NCOA7: variants seen among roughly 807,000 people sequenced by gnomAD.
NCOA7 encodes the protein 140 kDa estrogen receptor-associated protein.
A neutral mutation model predicts 104.3 loss-of-function variants in NCOA7; 45 were observed. The observed-to-expected ratio is 0.43, with a 90% CI of 0.34 to 0.55. The LOEUF (loss-of-function observed/expected upper bound fraction) is 0.55, where lower values mean the gene tolerates loss of function less well. Among genes scored for constraint, NCOA7 ranks in the 20% least tolerant of loss-of-function variants. NCOA7 has a pLI of 0.02. For synonymous variants in NCOA7, 398 were observed against 402.3 expected (o/e 0.99, Z 0.13); for missense variants, 1,041 against 1,119.7 (o/e 0.93, Z 1.00).
At chr6:125,810,313 A>C (rs1454063166) in intron 1 of NCOA7, 1 of 152,182 alleles carries the variant, frequency 6.6e-6, no homozygotes, top group East Asian at 1.9e-4. Flanking sequence ...CTGATGATTC[A>C]AAAAATACTT....
At chr6:125,861,561 A>G (rs957962366) in intron 3 of NCOA7, among the ~76,000 whole-genome samples, 1 of 152,138 alleles carries the variant, frequency 6.6e-6, no homozygotes, top group Non-Finnish European at 1.5e-5. Context: ...TATTTTTTTA[A>G]TCAAGCAGAA....
chr6:125,900,737 G>C (rs142093956), intron 10 of NCOA7, among the ~76,000 whole-genome samples: 37 of 152,172 alleles, frequency 2.4e-4, no homozygotes, highest in African/African-American at 8.9e-4. Context: ...TTGTACATTA[G>C]ATTCAAAGAA....
At chr6:125,878,392 A>G (rs549682440) in intron 5 of NCOA7, 22 bp downstream of exon 5, 8 of 1,523,930 alleles carry the variant, frequency 5.2e-6, no homozygotes, top group Admixed American at 1.8e-5. Flanking sequence ...CTTACTGGAT[A>G]TAACTCTAGA....
At chr6:125,895,440 T>C (rs1363204245) in intron 10 of NCOA7, among the ~76,000 whole-genome samples, 1 of 152,190 alleles carries the variant, frequency 6.6e-6, no homozygotes, top group Non-Finnish European at 1.5e-5. Context: ...CACTTGAACA[T>C]ACAGATAAGC....
At chr6:125,823,182 A>T (rs1174074895) in intron 2 of NCOA7, among the ~76,000 whole-genome samples, 2 of 152,134 alleles carry the variant, frequency 1.3e-5, no homozygotes, top group Non-Finnish European at 2.9e-5. Context: ...TCCCCCCGCA[A>T]ATGGACATCT....
At position 125,928,938 on chromosome 6, in the gene NCOA7, TC is replaced by T; in HGVS notation, c.*169del. 1 of 711,122 alleles carries T rather than the reference TC, an allele frequency of 1.4e-6. No homozygotes were observed. Among genetic ancestry groups the T allele is most frequent in the Non-Finnish European group, 2.2e-6 (1 of 462,394 alleles). 44.1% of individuals were successfully genotyped at this position (711,122 alleles called of 1,614,324 possible). On this transcript the variant is annotated 3_prime_UTR_variant, in exon 16 of 16. Coordinates refer to ENST00000392477, the MANE Select transcript of NCOA7 (RefSeq NM_181782.5). ...CACATTGCAGAAAGATTCTGGAAGG[TC>T]CATGTAGAGGGCAGACATTGAAGAA...
chr6:125,915,797 T>C (rs556131059), intron 11 of NCOA7, among the ~76,000 whole-genome samples: 1 of 152,274 alleles, frequency 6.6e-6, no homozygotes, highest in Non-Finnish European at 1.5e-5. Context: ...TTTGGCTTTG[T>C]AGGCCATACA....
chr6:125,889,579 A>T lies in NCOA7; in HGVS notation c.1525A>T (p.Asn509Tyr). The T allele has an allele frequency of 6.2e-7, 1 of 1,613,976 alleles. No homozygotes were observed. Among genetic ancestry groups the T allele is most frequent in the Non-Finnish European group, 8.5e-7 (1 of 1,179,984 alleles). Residue 509 changes from asparagine (N) to tyrosine (Y), a missense_variant, in exon 9 of 16, where the codon AAC becomes TAC. Asn to Tyr is a moderately radical substitution (Grantham distance 143, BLOSUM62 -2). Transcript: ENST00000392477. ...TGGTTCGCCAGAAAGCCGAGTAGAA[A>T]ACACACTGAACATACATGAAGATTT... The part of the protein sequence containing the change: ...QSGSPESRVE[N>Y]TLNIHEDLDK...
Position 125,929,000 on chromosome 6 carries a change from T to C in NCOA7, c.*229T>C. The C allele has an allele frequency of 2.4e-6, 1 of 425,010 alleles. No homozygotes were observed. Among genetic ancestry groups the C allele is most frequent in the Non-Finnish European group, 4.1e-6 (1 of 242,688 alleles). 26.3% of individuals were successfully genotyped at this position (425,010 alleles called of 1,614,324 possible). ...AATCCAGGTTGTTGAAAAGACTTTG[T>C]ACTCCCACTTCCTCCAAATCCATAC... On this transcript the variant is annotated 3_prime_UTR_variant, in exon 16 of 16. Transcript: ENST00000392477.
chr6:125,830,731 A>ATGTGTGTGTG (rs1361060849), intron 2 of NCOA7, among the ~76,000 whole-genome samples: 4 of 116,762 alleles, frequency 3.4e-5, no homozygotes, highest in East Asian at 5.9e-4. Context: ...TTATATATAT[A>ATGTGTGTGTG]TATATATGTG....
At chr6:125,896,406 G>A (rs1785021539) in intron 10 of NCOA7, among the ~76,000 whole-genome samples, 1 of 152,134 alleles carries the variant, frequency 6.6e-6, no homozygotes, top group African/African-American at 2.4e-5. Context: ...TATTTTAAAG[G>A]TGAGTGAGCA....
chr6:125,892,215 A>G (rs1784672173), intron 10 of NCOA7, among the ~76,000 whole-genome samples: 1 of 152,210 alleles, frequency 6.6e-6, no homozygotes, highest in Non-Finnish European at 1.5e-5. Context: ...TCTTTATAAT[A>G]TAAGACAATT....
At chr6:125,839,403 CCACTGCGCGA>C (rs1779915818) in intron 2 of NCOA7, among the ~76,000 whole-genome samples, 8 of 151,208 alleles carry the variant, frequency 5.3e-5, no homozygotes, top group African/African-American at 2.0e-4. Flanking sequence ...CAAGAGTCAG[CCACTGCGCGA>C]GGCCTAGGCC....
At position 125,890,529 on chromosome 6, in the gene NCOA7, T is replaced by C. The variant is rs1055228337; in HGVS notation, c.1928-113T>C. 7.8e-6 allele frequency: 8 copies of C among 1,019,966 alleles called. No individual in the cohort carries two copies. The South Asian group carries it at 1.5e-4, about 19-fold the overall frequency. The allele number at this position is 1,019,966 out of a possible 1,614,324, so 63.2% of individuals were successfully genotyped here. A position where few individuals can be genotyped will look rare whatever the true frequency, so the allele number is the denominator to read the frequency against. ...GTCCTGATACGATGTTGTAGGATGT[T>C]TCTGCAATGTTTTGACTAAGAGAGG... On this transcript the variant is annotated intron_variant, in intron 9 of 15. Transcript: ENST00000392477.
intron 1 of NCOA7, among the ~76,000 whole-genome samples, chr6:125,801,238 C>A (rs1775859636): frequency 6.6e-6 from 1 of 152,124 alleles, no homozygotes; most frequent in South Asian, 2.1e-4. Flanking sequence ...GTTCTTAGTC[C>A]ATCTACCCAA....
Position 125,855,225 on chromosome 6 carries a change from A to G in NCOA7, c.256A>G (p.Arg86Gly). 1.2e-6 allele frequency: 2 copies of G among 1,609,360 alleles called. No individual in the cohort carries two copies. The highest frequency in any genetic ancestry group is 1.7e-6 in the Non-Finnish European group (2 of 1,177,648). Residue 86 changes from arginine to glycine, a missense_variant, in exon 3 of 16, where the codon AGA becomes GGA. Transcript: ENST00000392477. ...GGAGATCAGGCGTACAGAACTAAAGAGATATTATAGTATTGGTGAGTATTC... is the reference window on the plus strand; with the variant it reads ...GGAGATCAGGCGTACAGAACTAAAGGGATATTATAGTATTGGTGAGTATTC... ...LKEIRRTELK[R>G]YYSIDDNQNK... is the part of the protein sequence containing the mutation.
intron 2 of NCOA7, among the ~76,000 whole-genome samples, chr6:125,833,857 C>G (rs1324816859): frequency 6.6e-6 from 1 of 152,204 alleles, no homozygotes; most frequent in Non-Finnish European, 1.5e-5. Context: ...TAACTTCTAA[C>G]TGCAGAGAAA....
intron 3 of NCOA7, among the ~76,000 whole-genome samples, chr6:125,868,913 C>T (rs1217251585): frequency 1.3e-5 from 2 of 152,084 alleles, no homozygotes; most frequent in Admixed American, 6.5e-5. Context: ...GAGAGCTGGT[C>T]GTTCATGGGT....
chr6:125,818,715 A>G (rs1145992), intron 2 of NCOA7: 4,650 of 152,380 alleles, frequency 0.031, 240 homozygotes, highest in African/African-American at 0.11. Flanking sequence ...CCTTCAGCCT[A>G]TAATCAGAAA....
Sources: allele counts gnomAD v4.1 joint callset (sites outside exome capture counted in the v4.1 genomes callset), GRCh38; gene constraint gnomAD v4.1.1; transcripts MANE v1.5; gene names NCBI Gene and HGNC (gene_info 2026-07-23, HGNC 2026-07-21).